The following THEM4 variants were observed in gnomAD, a reference collection of about 807,000 sequenced individuals.
THEM4 encodes acyl-coenzyme A thioesterase THEM4.
THEM4 carries 22 observed loss-of-function variants against 25.0 expected under a neutral mutation model. The observed-to-expected ratio is 0.88, with a 90% CI of 0.63 to 1.26. The LOEUF (loss-of-function observed/expected upper bound fraction) is 1.26, where lower values mean the gene tolerates loss of function less well. Ranked by LOEUF, THEM4 falls within the 50% of genes most tolerant of loss-of-function variation. The probability of loss-of-function intolerance (pLI) is 0.00; values close to 1 mark genes in which losing one functional copy is unlikely to be tolerated. For missense variants in THEM4, 286 were observed against 300.3 expected (o/e 0.95, Z 0.35); for synonymous variants, 113 against 105.6 (o/e 1.07, Z -0.43).
chr1:151,895,379 G>A (rs1222084617), intron 1 of THEM4, among the ~76,000 whole-genome samples, 185 bp from the exon 2 acceptor site: 1 of 152,146 alleles, frequency 6.6e-6, no homozygotes, highest in Non-Finnish European at 1.5e-5. Context: ...GACTGAGAGA[G>A]GGAAAATGAT....
rs1335403752 is a variant in THEM4, at chr1:151,888,341, A to G, written c.489T>C (p.Thr163=). 1.9e-6 allele frequency: 3 copies of G among 1,613,650 alleles called. No homozygotes were observed. The highest frequency in any genetic ancestry group is 2.5e-6 in the Non-Finnish European group (3 of 1,179,782). The part of the protein sequence containing the change: ...GGAIATMIDA[T]VGMCAMMAGG... The stretch of plus-strand genomic sequence containing the variant: ...CAGCCATCATTGCACACATACCAAC[A>G]GTAGCATCAATCATGGTTGCAATGG... The change falls in exon 4 of 6, where the codon ACT becomes ACC. Residue 163 remains threonine, a synonymous_variant. Transcript: ENST00000368814.
chr1:151,899,495 A>G (rs1250297911), intron 1 of THEM4, among the ~76,000 whole-genome samples: 1 of 152,048 alleles, frequency 6.6e-6, no homozygotes, highest in African/African-American at 2.4e-5. Flanking sequence ...AAAAAAAAAA[A>G]AAAGAAGGGA....
At chr1:151,895,682 G>GA (rs34981561) in intron 1 of THEM4, among the ~76,000 whole-genome samples, 124,794 of 142,896 alleles carry the variant, frequency 0.87, 54,461 homozygotes, top group East Asian at 0.93. Context: ...AGTATTACAG[G>GA]AAAAAAAAAA....
In THEM4 at chr1:151,906,214, G is replaced by A. The variant is rs139443823; in HGVS notation, c.99+3146C>T. 8.9e-3 allele frequency among the ~76,000 whole-genome samples: 1,354 copies of A among 152,346 alleles called. 30 individuals are homozygous for A. Among genetic ancestry groups the A allele is most frequent in the African/African-American group, 0.031 (1,299 of 41,578 alleles). On this transcript the variant is annotated intron_variant, in intron 1 of 5. Coordinates refer to ENST00000368814, the MANE Select transcript of THEM4 (RefSeq NM_053055.5). ...AGTTCCAGGTGGGTGTGGGCTTGGC[G>A]GGCCCTGCACTCGGAGCAGCCAGCC...
At chr1:151,894,708 G>A (rs998626133) in intron 2 of THEM4, 15 of 544,864 alleles carry the variant, frequency 2.8e-5, no homozygotes, top group Non-Finnish European at 4.2e-5. Context: ...TTAGATGACA[G>A]CCTCAAGACG....
At chr1:151,882,696 T>C (rs749308251) in intron 4 of THEM4, among the ~76,000 whole-genome samples, 13 of 152,192 alleles carry the variant, frequency 8.5e-5, no homozygotes, top group Non-Finnish European at 1.6e-4. Context: ...ACTAGAACAA[T>C]GGAGCTGGTG....
chr1:151,908,092 G>A (rs914483242), intron 1 of THEM4, among the ~76,000 whole-genome samples: 2 of 152,228 alleles, frequency 1.3e-5, no homozygotes, highest in Non-Finnish European at 2.9e-5. Context: ...ATAGGAATAA[G>A]AGGTTCTTCC....
intron 4 of THEM4, among the ~76,000 whole-genome samples, chr1:151,883,720 C>T (rs1653898097): frequency 6.6e-6 from 1 of 150,834 alleles, no homozygotes; most frequent in African/African-American, 2.4e-5. Context: ...TTGCAACCTC[C>T]CAGGTTCAAG....
chr1:151,901,532 AAAAAGGAACCTTC>A (rs1237666682), intron 1 of THEM4, among the ~76,000 whole-genome samples: 4 of 152,204 alleles, frequency 2.6e-5, no homozygotes, highest in African/African-American at 9.6e-5. Flanking sequence ...AATCAACTCC[AAAAAGGAACCTTC>A]AAAACCATGC....
At chr1:151,905,271 C>T (rs1306862623) in intron 1 of THEM4, among the ~76,000 whole-genome samples, 1 of 152,168 alleles carries the variant, frequency 6.6e-6, no homozygotes, top group Non-Finnish European at 1.5e-5. Flanking sequence ...AGGAGCAGCT[C>T]CCTCTTCCTC....
intron 2 of THEM4, chr1:151,890,842 A>G (rs1654078783): frequency 6.6e-6 from 1 of 152,210 alleles, no homozygotes; most frequent in Admixed American, 6.5e-5. Context: ...CACTTTATCC[A>G]TACAATGAGG....
Position 151,888,255 on chromosome 1 carries a change from G to T in THEM4, c.557+18C>A. 1 of 1,591,234 alleles carries T rather than the reference G, an allele frequency of 6.3e-7. No individual in the cohort carries two copies. Among genetic ancestry groups the T allele is most frequent in the Non-Finnish European group, 8.6e-7 (1 of 1,162,794 alleles). On this transcript the variant is annotated intron_variant, in intron 4 of 5. Coordinates refer to ENST00000368814, the MANE Select transcript of THEM4 (RefSeq NM_053055.5). ...TTAACAACACCTAAGGATAAATAGA[G>T]AATTACTGTGAATTTACCTTTTATA...
chr1:151,895,300 A>C lies in THEM4; in HGVS notation c.100-106T>G. On this transcript the variant is annotated intron_variant, in intron 1 of 5. Coordinates refer to ENST00000368814, the MANE Select transcript of THEM4 (RefSeq NM_053055.5). Reference sequence around the variant, plus strand: ...ATCTTGCTGCTTTTCTTCTCCCCATAAGCTTGTCACTTCAAAATGGAAGGG... The same window carrying C: ...ATCTTGCTGCTTTTCTTCTCCCCATCAGCTTGTCACTTCAAAATGGAAGGG... 3 of 997,576 alleles carry C rather than the reference A, an allele frequency of 3.0e-6. No individual in the cohort carries two copies. In the South Asian group the frequency reaches 4.9e-5, roughly 16 times the overall value. 61.8% of individuals were successfully genotyped at this position (997,576 alleles called of 1,614,324 possible). A position where few individuals can be genotyped will look rare whatever the true frequency, so the allele number is the denominator to read the frequency against.
At chr1:151,907,090 G>A (rs535881101) in intron 1 of THEM4, among the ~76,000 whole-genome samples, 2 of 152,146 alleles carry the variant, frequency 1.3e-5, no homozygotes, top group East Asian at 1.9e-4. Context: ...CACTCACCGC[G>A]AAGGTCTGCA....
Position 151,874,682 on chromosome 1 carries a change from T to G in THEM4, c.*206A>C. ...GAGCCACAGCGCCTGGCCCGAGAGT[T>G]GTCGATATGCTCGCAGGAAGTATTT... On this transcript the variant is annotated 3_prime_UTR_variant, in exon 6 of 6. Coordinates refer to ENST00000368814, the MANE Select transcript of THEM4 (RefSeq NM_053055.5). 1.6e-6 allele frequency: 1 copy of G among 630,868 alleles called. No individual in the cohort carries two copies. The highest frequency in any genetic ancestry group is 2.6e-5 in the East Asian group (1 of 37,966). 39.1% of individuals were successfully genotyped at this position (630,868 alleles called of 1,614,324 possible).
At chr1:151,895,694 A>C (rs1481319287) in intron 1 of THEM4, among the ~76,000 whole-genome samples, 1 of 151,508 alleles carries the variant, frequency 6.6e-6, no homozygotes, top group South Asian at 2.1e-4. Context: ...AAAAAAAAAA[A>C]AACACTGGAA....
At chr1:151,889,660 T>C (rs1654047403) in intron 2 of THEM4, 2 of 270,846 alleles carry the variant, frequency 7.4e-6, no homozygotes, top group South Asian at 1.3e-4. Context: ...GCTAACAATA[T>C]ACTGAATAAA....
At chr1:151,888,878 C>T (rs545979920) in intron 3 of THEM4, among the ~76,000 whole-genome samples, 3 of 71,914 alleles carry the variant, frequency 4.2e-5, no homozygotes, top group Non-Finnish European at 7.7e-5. Context: ...GTAGGTAATG[C>T]AAATATGAAA....
At chr1:151,890,739 G>A (rs1214763857) in intron 2 of THEM4, 1 of 152,474 alleles carries the variant, frequency 6.6e-6, no homozygotes, top group East Asian at 1.9e-4. Context: ...TTGGGGATCA[G>A]TATTATGGTG....
Sources: gnomAD v4.1 joint callset for allele counts (sites outside exome capture counted in the v4.1 genomes callset) on GRCh38, gnomAD v4.1.1 for gene constraint, MANE v1.5 for transcripts, NCBI Gene and HGNC (gene_info 2026-07-23, HGNC 2026-07-21) for gene names.